The following PAOX variants were observed in gnomAD, a reference collection of about 807,000 sequenced individuals.
The protein encoded by PAOX is peroxisomal N(1)-acetyl-spermine/spermidine oxidase.
PAOX carries 38 observed loss-of-function variants against 39.0 expected under a neutral mutation model. That is an observed-to-expected ratio of 0.97 (90% CI 0.75 to 1.28). PAOX has a LOEUF of 1.28. PAOX is among the 50% of genes most tolerant of loss of function. PAOX has a pLI of 0.00. For synonymous variants in PAOX, 311 were observed against 314.4 expected (o/e 0.99, Z 0.11); for missense variants, 667 against 685.7 (o/e 0.97, Z 0.30).
chr10:133,391,573 T>C lies in PAOX; in HGVS notation c.*118T>C. On this transcript the variant is annotated 3_prime_UTR_variant, in exon 7 of 7. Coordinates refer to ENST00000278060, the MANE Select transcript of PAOX (RefSeq NM_152911.4). ...ATGTTAATGAGGGTCCTCTGGTTTTTGGTAACCAGGGCCACCTTCTCAGTT... is the reference window on the plus strand; with the variant it reads ...ATGTTAATGAGGGTCCTCTGGTTTTCGGTAACCAGGGCCACCTTCTCAGTT... 7.1e-7 allele frequency: 1 copy of C among 1,412,922 alleles called. No individual in the cohort carries two copies. The highest frequency in any genetic ancestry group is 2.8e-5 in the Admixed American group (1 of 35,494). The allele number at this position is 1,412,922 out of a possible 1,614,324, so 87.5% of individuals were successfully genotyped here. A position where few individuals can be genotyped will look rare whatever the true frequency, so the allele number is the denominator to read the frequency against.
intron 5 of PAOX, 146 bp downstream of exon 5, chr10:133,389,214 G>C (rs1849604699): frequency 1.4e-6 from 1 of 697,010 alleles, no homozygotes; most frequent in Non-Finnish European, 2.6e-6. Flanking sequence ...ATGTTAGTGG[G>C]GTCAGTAACA....
intron 6 of PAOX, chr10:133,390,773 A>G: frequency 1.7e-6 from 1 of 590,892 alleles, no homozygotes; most frequent in Non-Finnish European, 3.0e-6. Flanking sequence ...ACTTCTCATT[A>G]CATCAGATAA....
Position 133,384,367 on chromosome 10 carries a change from C to T in PAOX, c.1121+155C>T, listed in dbSNP as rs1849480635. Among the ~76,000 whole-genome samples the T allele has an allele frequency of 6.6e-6, 1 of 152,154 alleles. No homozygotes were observed. The highest frequency in any genetic ancestry group is 1.5e-5 in the Non-Finnish European group (1 of 68,018). The stretch of plus-strand genomic sequence containing the variant: ...GCCCCCCCACCAGGTGCTGGCTGCA[C>T]CTGGGCCTGACCCCTGCGGGGACAG... On this transcript the variant is annotated intron_variant, in intron 4 of 6. Transcript: ENST00000278060. The surrounding 1 kb of genome is among the most constrained non-coding windows in gnomAD (Gnocchi z 4.3).
rs1326050841 is a variant in PAOX at position 133,388,985 on chromosome 10, C to T, written c.1151C>T (p.Ala384Val). The T allele has an allele frequency of 6.2e-7, 1 of 1,613,888 alleles. No individual in the cohort carries two copies. Among genetic ancestry groups the T allele is most frequent in the African/African-American group, 1.3e-5 (1 of 74,856 alleles). ...ASVHVLCGFIAGLESEFMETL... is the reference protein window; with the variant it reads ...ASVHVLCGFIVGLESEFMETL... ...GTCCACGTTCTCTGTGGGTTCATTGCCGGACTTGAGTCTGAGTTCATGGAG... is the reference window on the plus strand; with the variant it reads ...GTCCACGTTCTCTGTGGGTTCATTGTCGGACTTGAGTCTGAGTTCATGGAG... Residue 384 changes from alanine (A) to valine (V), a missense_variant, in exon 5 of 7, where the codon GCC becomes GTC. Ala to Val is a moderately conservative substitution (Grantham distance 64). Coordinates refer to ENST00000278060, the MANE Select transcript of PAOX (RefSeq NM_152911.4).
At position 133,388,940 on chromosome 10, in the gene PAOX, C is replaced by G. The variant is rs1564814264; in HGVS notation, c.1122-16C>G. On this transcript the variant is annotated splice_polypyrimidine_tract_variant and intron_variant, in intron 4 of 6. Coordinates refer to ENST00000278060, the MANE Select transcript of PAOX (RefSeq NM_152911.4). ...ATGCAGGTCTGGTCATCCCAGGGCT[C>G]TCTTTCTCCATGCAGGTCTGTCCAC... 6.4e-7 allele frequency: 1 copy of G among 1,554,514 alleles called. No homozygotes were observed.
intron 4 of PAOX, among the ~76,000 whole-genome samples, chr10:133,385,111 C>T (rs1184700512): frequency 6.6e-6 from 1 of 152,124 alleles, no homozygotes; most frequent in Non-Finnish European, 1.5e-5. Context: ...GCCTGGCCAA[C>T]ATGATGAAAC....
At position 133,379,856 on chromosome 10, in the gene PAOX, TG is replaced by T. The variant is rs1007667132; in HGVS notation, c.182-142del. The stretch of plus-strand genomic sequence containing the variant: ...CCTTAAACTGGGTCTGACAGGGCCC[TG>T]CCCTGGGGGACCACAGGGCCCTTGG... On this transcript the variant is annotated intron_variant, in intron 1 of 6. Coordinates refer to ENST00000278060, the MANE Select transcript of PAOX (RefSeq NM_152911.4). The T allele has an allele frequency of 7.0e-6, 8 of 1,139,922 alleles. No homozygotes were observed. The African/African-American group carries it at 1.2e-4, about 18-fold the overall frequency. The allele number at this position is 1,139,922 out of a possible 1,614,324, so 70.6% of individuals were successfully genotyped here.
chr10:133,391,227 G>A, intron 6 of PAOX, 85 bp from the exon 7 acceptor site: 1 of 1,375,128 alleles, frequency 7.3e-7, no homozygotes, highest in Non-Finnish European at 1.0e-6. Flanking sequence ...CTTGGTGGAT[G>A]CTTGTGAGCC....
In PAOX at chr10:133,381,479, A is replaced by G. The variant is rs1849375127; in HGVS notation, c.688A>G (p.Asn230Asp). 2 of 1,613,640 alleles carry G rather than the reference A, an allele frequency of 1.2e-6. No individual in the cohort carries two copies. The highest frequency in any genetic ancestry group is 1.7e-5 in the Admixed American group (1 of 60,010). Residue 230 changes from asparagine to aspartate, a missense_variant, in exon 3 of 7, where the codon AAC (asparagine) becomes GAC (aspartate). Physicochemically the swap from Asn to Asp is conservative, Grantham distance 23. Transcript: ENST00000278060. The stretch of plus-strand genomic sequence containing the variant: ...TTCTAGGGGCTATCAAGGACTCACA[A>G]ACTGCATGATGGCCGCCCTGCCGGA... ...TFSKGYQGLT[N>D]CMMAALPEDT...
intron 4 of PAOX, among the ~76,000 whole-genome samples, chr10:133,385,623 C>A (rs181995196): frequency 4.6e-5 from 7 of 152,020 alleles, no homozygotes; most frequent in Admixed American, 6.6e-5. Context: ...TCGCTCTGTC[C>A]CCCAGACTGG....
Position 133,379,298 on chromosome 10 carries a change from G to T in PAOX, c.-19G>T. 4 of 1,212,380 alleles carry T rather than the reference G, an allele frequency of 3.3e-6. No individual in the cohort carries two copies. The highest frequency in any genetic ancestry group is 4.1e-6 in the Non-Finnish European group (4 of 976,258). 75.1% of individuals were successfully genotyped at this position (1,212,380 alleles called of 1,614,324 possible). ...ACCTCCCGGCTACTCAGAAGCCCTC[G>T]GACTGCCCGGACCGCGCGATGGAGT... On this transcript the variant is annotated 5_prime_UTR_variant, in exon 1 of 7. Transcript: ENST00000278060.
rs369970251 is a variant in PAOX at position 133,380,310 on chromosome 10, C to A, written c.493C>A (p.Gln165Lys). 1.9e-6 allele frequency: 3 copies of A among 1,612,780 alleles called. No homozygotes were observed. In the African/African-American group the frequency reaches 4.0e-5, roughly 22 times the overall value. Residue 165 changes from glutamine to lysine, a missense_variant, in exon 2 of 7, where the codon CAG becomes AAG. Physicochemically the swap from Gln to Lys is moderately conservative, Grantham distance 53 (BLOSUM62 1). Coordinates refer to ENST00000278060, the MANE Select transcript of PAOX (RefSeq NM_152911.4). ...GGAGTACCTCAAGAAGGAGATTGGC[C>A]AGCACGTGGCCGGCTGGACAGAGGA... is the stretch of plus-strand genomic sequence containing the variant. ...VGEYLKKEIGQHVAGWTEDEE... is the reference protein window; with the variant it reads ...VGEYLKKEIGKHVAGWTEDEE...
intron 3 of PAOX, 85 bp from the exon 4 acceptor site, chr10:133,383,875 A>G (rs1849462699): frequency 6.8e-7 from 1 of 1,481,232 alleles, no homozygotes; most frequent in South Asian, 1.3e-5. Flanking sequence ...CCAGCAGGGG[A>G]AATTGCTGGA....
intron 4 of PAOX, among the ~76,000 whole-genome samples, chr10:133,385,028 G>T (rs1849494627): frequency 6.6e-6 from 1 of 152,216 alleles, no homozygotes; most frequent in Admixed American, 6.5e-5. Context: ...AGGCGCGGTG[G>T]CTCATGTCTG....
At position 133,380,138 on chromosome 10, in the gene PAOX, C is replaced by T. The variant is rs771438000; in HGVS notation, c.321C>T (p.His107=). The T allele has an allele frequency of 6.3e-6, 10 of 1,592,066 alleles. No homozygotes were observed. The highest frequency in any genetic ancestry group is 8.6e-6 in the Non-Finnish European group (10 of 1,167,912). ...ACCAGCTGGTGGAGACCGGGGGTCACGTGGGCCTGCCCTCCGTGAGCTACG... is the reference window on the plus strand; with the variant it reads ...ACCAGCTGGTGGAGACCGGGGGTCATGTGGGCCTGCCCTCCGTGAGCTACG... ...QENQLVETGG[H]VGLPSVSYAS... Residue 107 remains histidine, a synonymous_variant, in exon 2 of 7, where the codon CAC becomes CAT. Transcript: ENST00000278060.
chr10:133,380,054 C>G lies in PAOX; in HGVS notation c.237C>G (p.Pro79=), dbSNP rs1159404200. ...TCCATGGGCCCTCCCGGGGTAACCC[C>G]GTCTTCCAGCTGGCTGCTGAGTACG... is the stretch of plus-strand genomic sequence containing the variant. ...HWIHGPSRGN[P]VFQLAAEYGL... is the part of the protein sequence containing the mutation. Residue 79 remains proline, a synonymous_variant, in exon 2 of 7, where the codon CCC becomes CCG. Coordinates refer to ENST00000278060, the MANE Select transcript of PAOX (RefSeq NM_152911.4). The G allele has an allele frequency of 2.0e-6, 3 of 1,526,110 alleles. No homozygotes were observed. In the African/African-American group the frequency reaches 4.2e-5, roughly 21 times the overall value. 94.5% of individuals were successfully genotyped at this position (1,526,110 alleles called of 1,614,324 possible). A position where few individuals can be genotyped will look rare whatever the true frequency, so the allele number is the denominator to read the frequency against.
Position 133,384,282 on chromosome 10 carries a change from A to G in PAOX, c.1121+70A>G. ...GCCTTCATCTGATGGAGGACGCAGC[A>G]GTGTGTCTGTTCACTGCAGGGTATT... On this transcript the variant is annotated intron_variant, in intron 4 of 6. Transcript: ENST00000278060. The surrounding 1 kb of genome is among the most constrained non-coding windows in gnomAD (Gnocchi z 4.3). The G allele has an allele frequency of 6.3e-7, 1 of 1,575,402 alleles. No individual in the cohort carries two copies. The highest frequency in any genetic ancestry group is 2.2e-5 in the East Asian group (1 of 44,534).
chr10:133,381,771 T>A (rs1378418854), intron 3 of PAOX, 112 bp downstream of exon 3: 5 of 1,067,210 alleles, frequency 4.7e-6, no homozygotes, highest in Non-Finnish European at 6.8e-6. Context: ...ACATTTTCGT[T>A]CTAGTAAGTT....
chr10:133,388,626 G>A (rs1849586911), intron 4 of PAOX, among the ~76,000 whole-genome samples: 1 of 152,216 alleles, frequency 6.6e-6, no homozygotes, highest in Non-Finnish European at 1.5e-5. Flanking sequence ...AGCAAATGCT[G>A]TCTTAGCGTC....
Sources: gnomAD v4.1 joint callset for allele counts (sites outside exome capture counted in the v4.1 genomes callset) on GRCh38, gnomAD v4.1.1 for gene constraint, Gnocchi (gnomAD v3.1) non-coding constraint, MANE v1.5 for transcripts, NCBI Gene and HGNC (gene_info 2026-07-23, HGNC 2026-07-21) for gene names.